MGAT4C: variants seen among roughly 807,000 people sequenced by gnomAD.
The protein encoded by MGAT4C is alpha-1,3-mannosyl-glycoprotein 4-beta-N-acetylglucosaminyltransferase C.
In MGAT4C, 19 loss-of-function variants were observed where a neutral mutation model predicts 40.1. The observed-to-expected ratio is 0.47, with a 90% CI of 0.33 to 0.70. The LOEUF (loss-of-function observed/expected upper bound fraction) is 0.70, where lower values mean the gene tolerates loss of function less well. Among genes scored for constraint, MGAT4C ranks in the 30% least tolerant of loss-of-function variants. MGAT4C has a pLI of 0.02. For missense variants in MGAT4C, 491 were observed against 563.2 expected (o/e 0.87, Z 1.30); for synonymous variants, 181 against 187.1 (o/e 0.97, Z 0.27).
rs10858478 is a variant in MGAT4C, at chr12:86,774,384, C to G, written c.-261-47143G>C. Among the ~76,000 whole-genome samples the G allele has an allele frequency of 2.4e-3, 206 of 86,928 alleles. 16 individuals carry two copies. The highest frequency in any genetic ancestry group is 0.012 in the Admixed American group (74 of 6,064). 57.0% of individuals were successfully genotyped at this position (86,928 alleles called of 152,430 possible). ...TCTCTCTCTCTCTTTCTGTCTGTCT[C>G]TCTCTCTCTCTCCTCTCTCTCTCTC... On this transcript the variant is annotated intron_variant, in intron 1 of 7. Transcript: ENST00000548651.
At chr12:86,539,181 G>A (rs774176662) in intron 2 of MGAT4C, among the ~76,000 whole-genome samples, 2 of 72,758 alleles carry the variant, frequency 2.7e-5, no homozygotes, top group South Asian at 4.0e-4. Flanking sequence ...CCCCTCCCCC[G>A]ACCCCACTAC....
chr12:86,085,540 C>A (rs1339779016), intron 1 of MGAT4C, among the ~76,000 whole-genome samples: 3 of 152,028 alleles, frequency 2.0e-5, no homozygotes, highest in Non-Finnish European at 4.4e-5. Flanking sequence ...TCTGAGGCCT[C>A]TTTTCTGTTC....
At chr12:85,987,081 T>C (rs968360171) in intron 3 of MGAT4C, among the ~76,000 whole-genome samples, 1 of 151,176 alleles carries the variant, frequency 6.6e-6, no homozygotes, top group African/African-American at 2.4e-5. Flanking sequence ...TTTAACTCAT[T>C]TTTTTCCAAC....
chr12:86,329,221 C>A lies in MGAT4C; in HGVS notation c.-57+4844G>T, dbSNP rs189452295. 2.3e-3 allele frequency among the ~76,000 whole-genome samples: 354 copies of A among 151,832 alleles called. 1 individual carries two copies. Among genetic ancestry groups the A allele is most frequent in the African/African-American group, 8.4e-3 (347 of 41,452 alleles). On this transcript the variant is annotated intron_variant, in intron 4 of 7. Transcript: ENST00000548651. Reference sequence around the variant, plus strand: ...CTTGTTAGAGTTACATAACCTTGTTCCAAAACTTGCTCTAATGCAACAAAA... The same window carrying A: ...CTTGTTAGAGTTACATAACCTTGTTACAAAACTTGCTCTAATGCAACAAAA...
chr12:86,052,242 A>G (rs1323069224), intron 1 of MGAT4C, among the ~76,000 whole-genome samples: 1 of 151,696 alleles, frequency 6.6e-6, no homozygotes, highest in African/African-American at 2.4e-5. Flanking sequence ...TGCTGCCTCA[A>G]AAAGAGGGCC....
chr12:86,822,404 G>A (rs1228139958), intron 1 of MGAT4C, among the ~76,000 whole-genome samples: 2 of 150,934 alleles, frequency 1.3e-5, no homozygotes, highest in African/African-American at 4.8e-5. Flanking sequence ...CATACAGAGT[G>A]ACCAAATGAA....
At chr12:86,368,011 ATG>A (rs1209995592) in intron 3 of MGAT4C, among the ~76,000 whole-genome samples, 1 of 152,174 alleles carries the variant, frequency 6.6e-6, no homozygotes, top group Non-Finnish European at 1.5e-5. Flanking sequence ...ATCTTTTTAA[ATG>A]ATAATTATTA....
chr12:85,985,298 G>A (rs558187633), intron 3 of MGAT4C, among the ~76,000 whole-genome samples: 2 of 152,166 alleles, frequency 1.3e-5, no homozygotes, highest in Admixed American at 6.5e-5. Context: ...CATCAATCTC[G>A]AGTGACAATG....
At chr12:86,808,691 G>C (rs1248040009) in intron 1 of MGAT4C, among the ~76,000 whole-genome samples, 2 of 151,958 alleles carry the variant, frequency 1.3e-5, no homozygotes, top group African/African-American at 4.8e-5. Flanking sequence ...GCAAAAACTG[G>C]AAGCATTCCT....
intron 2 of MGAT4C, among the ~76,000 whole-genome samples, chr12:86,604,121 C>T (rs777967373): frequency 1.4e-4 from 22 of 151,948 alleles, no homozygotes; most frequent in Non-Finnish European, 2.2e-4. Context: ...CTTTAATCAA[C>T]GGATAGCCTG....
chr12:86,488,463 C>T (rs1172151985), intron 2 of MGAT4C, among the ~76,000 whole-genome samples: 1 of 151,234 alleles, frequency 6.6e-6, no homozygotes, highest in Non-Finnish European at 1.5e-5. Context: ...TGAAACAAAA[C>T]ATCATTCACT....
chr12:86,656,036 AAATT>A (rs1255182022), intron 2 of MGAT4C, among the ~76,000 whole-genome samples: 1 of 152,092 alleles, frequency 6.6e-6, no homozygotes, highest in Non-Finnish European at 1.5e-5. Context: ...ATTGACTATC[AAATT>A]AATTAATTAT....
At chr12:86,486,754 C>T (rs185466797) in intron 2 of MGAT4C, among the ~76,000 whole-genome samples, 10 of 152,310 alleles carry the variant, frequency 6.6e-5, no homozygotes, top group Admixed American at 2.0e-4. Flanking sequence ...GAATACTCCA[C>T]ACAACAATCA....
chr12:86,253,896 T>G (rs1053977586), intron 1 of MGAT4C, among the ~76,000 whole-genome samples: 2 of 151,848 alleles, frequency 1.3e-5, no homozygotes, highest in African/African-American at 4.8e-5. Context: ...TACAAAAGAG[T>G]ATTATTTTGC....
chr12:86,450,833 C>T (rs1957415050), intron 2 of MGAT4C, among the ~76,000 whole-genome samples: 1 of 151,948 alleles, frequency 6.6e-6, no homozygotes, highest in African/African-American at 2.4e-5. Flanking sequence ...CGTTTGTATA[C>T]ACATATGTAT....
chr12:86,481,058 C>A (rs1254989542), intron 2 of MGAT4C, among the ~76,000 whole-genome samples: 1 of 151,916 alleles, frequency 6.6e-6, no homozygotes, highest in Non-Finnish European at 1.5e-5. Flanking sequence ...ATAATCCCAG[C>A]AGTGATCATA....
In MGAT4C at chr12:86,678,536, G is replaced by A. The variant is rs185357336; in HGVS notation, c.-229+48673C>T. On this transcript the variant is annotated intron_variant, in intron 2 of 7. Transcript: ENST00000548651. ...GCTGGTGTGCTGCACCCATTAACTCGTCATTTAGCATTAGGTATATCTCCT... is the reference window on the plus strand; with the variant it reads ...GCTGGTGTGCTGCACCCATTAACTCATCATTTAGCATTAGGTATATCTCCT... Among the ~76,000 whole-genome samples the A allele has an allele frequency of 6.0e-5, 9 of 150,190 alleles. No individual in the cohort carries two copies. The East Asian group carries it at 7.9e-4, about 13-fold the overall frequency.
chr12:86,666,046 T>A (rs1964096788), intron 2 of MGAT4C, among the ~76,000 whole-genome samples: 1 of 152,194 alleles, frequency 6.6e-6, no homozygotes, highest in Admixed American at 6.5e-5. Context: ...CCTTTTTCAC[T>A]TGGCCAATGA....
chr12:86,737,511 A>G (rs1440589509), intron 1 of MGAT4C, among the ~76,000 whole-genome samples: 1 of 151,242 alleles, frequency 6.6e-6, no homozygotes, highest in Non-Finnish European at 1.5e-5. Flanking sequence ...GTATCTCTAT[A>G]TTGATTCCCC....
Sources: allele counts gnomAD v4.1 joint callset (sites outside exome capture counted in the v4.1 genomes callset), GRCh38; gene constraint gnomAD v4.1.1; transcripts MANE v1.5; gene names NCBI Gene and HGNC (gene_info 2026-07-23, HGNC 2026-07-21).